Variants in FGFR4 observed in about 807,000 individuals in gnomAD.
FGFR4 encodes hydroxyaryl-protein kinase.
FGFR4 carries 63 observed loss-of-function variants against 89.9 expected under a neutral mutation model. The ratio of observed to expected loss-of-function variants is 0.70; its 90% CI spans 0.57 to 0.86. The LOEUF (loss-of-function observed/expected upper bound fraction) is 0.86. FGFR4 is among the 40% of genes least tolerant of loss of function. FGFR4 has a pLI of 0.00. For missense variants in FGFR4, 928 were observed against 1,106.7 expected, an observed-to-expected ratio of 0.84 and a Z score of 2.29; for synonymous variants, 486 against 479.4, an observed-to-expected ratio of 1.01 and a Z score of -0.18.
chr5:177,092,964 C>T, intron 8 of FGFR4, 174 bp from the exon 9 acceptor site: 1 of 1,277,180 alleles, frequency 7.8e-7, no homozygotes, highest in Non-Finnish European at 1.1e-6. Context: ...ACGTGGCCGT[C>T]CATGTGACCG....
intron 3 of FGFR4, 31 bp from the exon 4 acceptor site, chr5:177,090,714 C>A (rs752961730): frequency 2.5e-6 from 4 of 1,571,252 alleles, no homozygotes; most frequent in Middle Eastern, 1.7e-4. Flanking sequence ...CCCTCTTGGA[C>A]CTTAGATGCT....
chr5:177,090,102 G>T, intron 2 of FGFR4: 2 of 668,214 alleles, frequency 3.0e-6, no homozygotes, highest in South Asian at 1.5e-5. Context: ...TGTGCCTTGT[G>T]TGTGTGTGTG....
Position 177,091,090 on chromosome 5 carries a change from A to T in FGFR4, c.589A>T (p.Ile197Phe). Reference protein sequence around the residue: ...DGQAFHGENRIGGIRLRHQHW... With the variant: ...DGQAFHGENRFGGIRLRHQHW... ...ACAGGCCTTTCATGGGGAGAACCGC[A>T]TTGGAGGCATTCGGGTGAGTCTCTG... is the stretch of plus-strand genomic sequence containing the variant. Residue 197 changes from isoleucine (I) to phenylalanine (F), a missense_variant, in exon 5 of 18, where the codon ATT becomes TTT. By Grantham distance (21) the Ile-to-Phe change is conservative. Coordinates refer to ENST00000292408, the MANE Select transcript of FGFR4 (RefSeq NM_213647.3). 1 of 1,583,996 alleles carries T rather than the reference A, an allele frequency of 6.3e-7. No homozygotes were observed. The highest frequency in any genetic ancestry group is 8.6e-7 in the Non-Finnish European group (1 of 1,158,212).
At position 177,097,768 on chromosome 5, in the gene FGFR4, T is replaced by C; in HGVS notation, c.*92T>C. The C allele has an allele frequency of 1.3e-6, 2 of 1,485,056 alleles. No individual in the cohort carries two copies. The highest frequency in any genetic ancestry group is 1.8e-6 in the Non-Finnish European group (2 of 1,112,152). The allele number at this position is 1,485,056 out of a possible 1,614,324, so 92.0% of individuals were successfully genotyped here. A position where few individuals can be genotyped will look rare whatever the true frequency, so the allele number is the denominator to read the frequency against. On this transcript the variant is annotated 3_prime_UTR_variant, in exon 18 of 18. Transcript: ENST00000292408. ...GACACAGTGCTCGACCTTGATAGCA[T>C]GGGGCCCCTGGCCCAGAGTTGCTGT...
intron 2 of FGFR4, chr5:177,089,993 G>A: frequency 1.5e-6 from 1 of 669,964 alleles, no homozygotes; most frequent in Non-Finnish European, 2.7e-6. Context: ...CTGTGCACTG[G>A]GTGTGTGACC....
At position 177,090,580 on chromosome 5, in the gene FGFR4, G is replaced by A; in HGVS notation, c.282G>A (p.Glu94=). The A allele has an allele frequency of 6.6e-7, 1 of 1,524,862 alleles. No homozygotes were observed. The highest frequency in any genetic ancestry group is 8.8e-7 in the Non-Finnish European group (1 of 1,138,470). The allele number at this position is 1,524,862 out of a possible 1,614,324, so 94.5% of individuals were successfully genotyped here. Residue 94 remains glutamate (E), a synonymous_variant, in exon 3 of 18, where the codon GAG becomes GAA. Transcript: ENST00000292408. ...GRLEIASFLP[E]DAGRYLCLAR... is the part of the protein sequence containing the mutation. ...TAGAGATTGCCAGCTTCCTACCTGA[G>A]GATGCTGGCCGCTACCTCTGCCTGG...
chr5:177,092,684 C>T lies in FGFR4; in HGVS notation c.957C>T (p.Tyr319=), dbSNP rs2149734328. 6.2e-7 allele frequency: 1 copy of T among 1,613,678 alleles called. No homozygotes were observed. Among genetic ancestry groups the T allele is most frequent in the African/African-American group, 1.3e-5 (1 of 75,058 alleles). ...ATAGCTCAGAGGTGGAGGTCCTGTA[C>T]CTGCGGAACGTGTCAGCCGAGGACG... ...DINSSEVEVL[Y]LRNVSAEDAG... Residue 319 remains tyrosine, a synonymous_variant, in exon 8 of 18, where the codon TAC becomes TAT. Coordinates refer to ENST00000292408, the MANE Select transcript of FGFR4 (RefSeq NM_213647.3).
chr5:177,090,546 G>A lies in FGFR4; in HGVS notation c.248G>A (p.Arg83Lys), dbSNP rs1784327286. 6.5e-7 allele frequency: 1 copy of A among 1,535,110 alleles called. No homozygotes were observed. Among genetic ancestry groups the A allele is most frequent in the Non-Finnish European group, 8.8e-7 (1 of 1,142,834 alleles). The change falls in exon 3 of 18, where the codon AGG (arginine) becomes AAG (lysine). Residue 83 changes from arginine to lysine, a missense_variant. By Grantham distance (26) the Arg-to-Lys change is conservative. Coordinates refer to ENST00000292408, the MANE Select transcript of FGFR4 (RefSeq NM_213647.3). ...LAPAGRVRGW[R>K]GRLEIASFLP... ...CCTGCTGGCCGTGTACGGGGCTGGA[G>A]GGGCCGCCTAGAGATTGCCAGCTTC... is the stretch of plus-strand genomic sequence containing the variant.
chr5:177,095,462 C>G lies in FGFR4; in HGVS notation c.1630+22C>G, dbSNP rs200784570. On this transcript the variant is annotated intron_variant, in intron 12 of 17. Coordinates refer to ENST00000292408, the MANE Select transcript of FGFR4 (RefSeq NM_213647.3). This position sits in a 1 kb window ranked among gnomAD's most constrained non-coding sequence, Gnocchi z 5.7. Reference sequence around the variant, plus strand: ...GAAGGTGGGGCCGAGGCGGGGCTGGCTGCACGGGCCGTTAGGGTGCAGAGC... The same window carrying G: ...GAAGGTGGGGCCGAGGCGGGGCTGGGTGCACGGGCCGTTAGGGTGCAGAGC... 6.2e-7 allele frequency: 1 copy of G among 1,613,966 alleles called. No homozygotes were observed. Among genetic ancestry groups the G allele is most frequent in the Non-Finnish European group, 8.5e-7 (1 of 1,179,870 alleles).
At position 177,091,008 on chromosome 5, in the gene FGFR4, G is replaced by A. The variant is rs747999569; in HGVS notation, c.507G>A (p.Lys169=). The change falls in exon 5 of 18, where the codon AAG becomes AAA. Residue 169 remains lysine (K), a synonymous_variant. Coordinates refer to ENST00000292408, the MANE Select transcript of FGFR4 (RefSeq NM_213647.3). ...CAGTACCTGCGGGGAACACCGTCAAGTTCCGCTGTCCAGCTGCAGGCAACC... is the reference window on the plus strand; with the variant it reads ...CAGTACCTGCGGGGAACACCGTCAAATTCCGCTGTCCAGCTGCAGGCAACC... The part of the protein sequence containing the change: ...LHAVPAGNTV[K]FRCPAAGNPT... 3.7e-6 allele frequency: 6 copies of A among 1,613,734 alleles called. No homozygotes were observed. The highest frequency in any genetic ancestry group is 3.3e-4 in the Middle Eastern group (2 of 6,058).
intron 6 of FGFR4, 37 bp from the exon 7 acceptor site, chr5:177,092,283 GC>G: frequency 6.6e-7 from 1 of 1,509,470 alleles, no homozygotes; most frequent in Non-Finnish European, 8.9e-7. Context: ...TTCTATGGGT[GC>G]CGGTGGTCAG....
intron 5 of FGFR4, among the ~76,000 whole-genome samples, chr5:177,091,415 G>C (rs910273998): frequency 2.0e-5 from 3 of 152,194 alleles, no homozygotes; most frequent in Non-Finnish European, 4.4e-5. Context: ...GCTGTCATGA[G>C]GCAACTGAGT....
At chr5:177,096,506 C>T in intron 15 of FGFR4, 98 bp from the exon 16 acceptor site, 1 of 1,545,550 alleles carries the variant, frequency 6.5e-7, no homozygotes, top group Non-Finnish European at 8.8e-7. Context: ...GAGCCCATTC[C>T]CCAACAGCTG....
rs767107218 is a variant in FGFR4 at position 177,093,307 on chromosome 5, C to G, written c.1227C>G (p.Leu409=). The change falls in exon 9 of 18, where the codon CTC becomes CTG. Residue 409 remains leucine (L), a synonymous_variant. Coordinates refer to ENST00000292408, the MANE Select transcript of FGFR4 (RefSeq NM_213647.3). The surrounding 1 kb of genome is among the most constrained non-coding windows in gnomAD (Gnocchi z 5.8). ...GCCCGCCCGCCACTGTGCAGAAGCT[C>G]TCCCGCTTCCCTCTGGCCCGACAGG... The part of the protein sequence containing the change: ...HPRPPATVQK[L]SRFPLARQFS... 1 of 1,603,724 alleles carries G rather than the reference C, an allele frequency of 6.2e-7. No homozygotes were observed. The highest frequency in any genetic ancestry group is 2.2e-5 in the East Asian group (1 of 44,688).
chr5:177,096,108 G>C lies in FGFR4; in HGVS notation c.1873G>C (p.Val625Leu), dbSNP rs548982883. 34 of 1,614,192 alleles carry C rather than the reference G, an allele frequency of 2.1e-5. No homozygotes were observed. The South Asian group carries it at 3.6e-4, about 17-fold the overall frequency. Residue 625 changes from valine (V) to leucine (L), a missense_variant, in exon 14 of 18, where the codon GTG (valine) becomes CTG (leucine). Val to Leu is a conservative substitution (Grantham distance 32, BLOSUM62 1). Coordinates refer to ENST00000292408, the MANE Select transcript of FGFR4 (RefSeq NM_213647.3). The stretch of plus-strand genomic sequence containing the variant: ...CAATGTGCTGGTGACTGAGGACAAT[G>C]TGATGAAGATTGCTGACTTTGGGCT... The part of the protein sequence containing the change: ...ARNVLVTEDN[V>L]MKIADFGLAR...
chr5:177,094,358 C>T (rs535016209), intron 11 of FGFR4, among the ~76,000 whole-genome samples: 1 of 152,290 alleles, frequency 6.6e-6, no homozygotes, highest in South Asian at 2.1e-4. Context: ...CTCAATAAAT[C>T]TTCACCACTG....
In FGFR4 at chr5:177,086,980, G is replaced by C. The variant is rs1305709737; in HGVS notation, c.-151G>C. 6.6e-6 allele frequency: 1 copy of C among 152,520 alleles called. No homozygotes were observed. The highest frequency in any genetic ancestry group is 6.6e-5 in the Admixed American group (1 of 15,264). 9.4% of individuals were successfully genotyped at this position (152,520 alleles called of 1,614,324 possible). On this transcript the variant is annotated 5_prime_UTR_variant, in exon 1 of 18. Coordinates refer to ENST00000292408, the MANE Select transcript of FGFR4 (RefSeq NM_213647.3). ...GGACCCTGCCGCGTGCAGGGGTCGC[G>C]GCCGGCTGGAGCTGGGAGTGAGGCG...
intron 1 of FGFR4, chr5:177,088,502 CAAG>C (rs960985637): frequency 1.1e-5 from 2 of 188,936 alleles, no homozygotes; most frequent in African/African-American, 4.7e-5. Context: ...TGGCAGTGAC[CAAG>C]GAGGAGGAGG....
Position 177,093,903 on chromosome 5 carries a change from C to A in FGFR4, c.1519+128C>A, listed in dbSNP as rs1784458933. Reference sequence around the variant, plus strand: ...GCAACATGGCAAGACTTCATCTCTACAAAAAAAAAATAAGAAAATTAGTTG... The same window carrying A: ...GCAACATGGCAAGACTTCATCTCTAAAAAAAAAAAATAAGAAAATTAGTTG... On this transcript the variant is annotated intron_variant, in intron 11 of 17. Coordinates refer to ENST00000292408, the MANE Select transcript of FGFR4 (RefSeq NM_213647.3). This position sits in a 1 kb window ranked among gnomAD's most constrained non-coding sequence, Gnocchi z 5.8. The A allele has an allele frequency of 1.3e-5, 12 of 945,586 alleles. No homozygotes were observed. Among genetic ancestry groups the A allele is most frequent in the East Asian group, 3.3e-5 (1 of 30,718 alleles). 58.6% of individuals were successfully genotyped at this position (945,586 alleles called of 1,614,324 possible).
Sources: gnomAD v4.1 joint callset for allele counts (sites outside exome capture counted in the v4.1 genomes callset) on GRCh38, gnomAD v4.1.1 for gene constraint, Gnocchi (gnomAD v3.1) non-coding constraint, MANE v1.5 for transcripts, NCBI Gene and HGNC (gene_info 2026-07-23, HGNC 2026-07-21) for gene names.